Variants in TMC5 observed in about 807,000 individuals in gnomAD.
TMC5 encodes the protein transmembrane channel like 5.
A neutral mutation model predicts 110.5 loss-of-function variants in TMC5; 86 were observed. The observed-to-expected ratio is 0.78, with a 90% CI of 0.65 to 0.93. TMC5 has a LOEUF of 0.93. TMC5 is among the 40% of genes least tolerant of loss of function. TMC5 has a pLI of 0.00. For missense variants in TMC5, 1,144 were observed against 1,222.8 expected, an observed-to-expected ratio of 0.94 and a Z score of 0.96; for synonymous variants, 455 against 439.5, an observed-to-expected ratio of 1.04 and a Z score of -0.44.
At chr16:19,468,607 C>G (rs1968246609) in intron 9 of TMC5, among the ~76,000 whole-genome samples, 1 of 152,028 alleles carries the variant, frequency 6.6e-6, no homozygotes, top group Admixed American at 6.6e-5. Flanking sequence ...TCCCAGTGGG[C>G]CCAATGGAAT....
At chr16:19,412,077 A>AT (rs368948373) in intron 1 of TMC5, among the ~76,000 whole-genome samples, 15,547 of 146,612 alleles carry the variant, frequency 0.11, 823 homozygotes, top group South Asian at 0.16. Context: ...TTTTTGTGGG[A>AT]TTTTTTTTTT....
chr16:19,436,937 G>C (rs1284785540), intron 2 of TMC5, among the ~76,000 whole-genome samples: 1 of 152,114 alleles, frequency 6.6e-6, no homozygotes, highest in Non-Finnish European at 1.5e-5. Flanking sequence ...CTAGCACTTT[G>C]GGAGGCCGAG....
intron 9 of TMC5, among the ~76,000 whole-genome samples, chr16:19,468,963 G>T (rs11643708): frequency 0.02 from 3,015 of 152,268 alleles, 47 homozygotes; most frequent in Admixed American, 0.03. Context: ...CTGCACTCTA[G>T]CCTGGGCCAC....
chr16:19,439,438 C>A (rs1276722897), intron 2 of TMC5, among the ~76,000 whole-genome samples: 1 of 152,192 alleles, frequency 6.6e-6, no homozygotes, highest in East Asian at 1.9e-4. Context: ...GGTCCCCTCC[C>A]CCATAACCAA....
chr16:19,463,490 G>A lies in TMC5; in HGVS notation c.1236+123G>A, dbSNP rs111558357. The A allele has an allele frequency of 4.9e-4, 450 of 917,058 alleles. 1 individual carries two copies. The African/African-American group carries it at 6.7e-3, about 14-fold the overall frequency. The allele number at this position is 917,058 out of a possible 1,614,324, so 56.8% of individuals were successfully genotyped here. ...AGCAATTTCATTGCCCAGAGCCAAC[G>A]GTTAGTACAGGTGTGGAAAAGCGAG... On this transcript the variant is annotated intron_variant, in intron 7 of 21. Transcript: ENST00000542583.
intron 1 of TMC5, among the ~76,000 whole-genome samples, chr16:19,428,343 C>G (rs1190742302): frequency 1.4e-5 from 2 of 140,956 alleles, no homozygotes; most frequent in African/African-American, 5.4e-5. Flanking sequence ...GCATCTTGCT[C>G]TGTTGCCCAG....
chr16:19,414,976 G>C (rs1966869646), upstream of TMC5, among the ~76,000 whole-genome samples: 1 of 152,138 alleles, frequency 6.6e-6, no homozygotes, highest in Non-Finnish European at 1.5e-5. Context: ...TTTGAGCCCA[G>C]CCTGGGTGAC....
intron 14 of TMC5, among the ~76,000 whole-genome samples, chr16:19,479,932 C>CA (rs34291127): frequency 0.024 from 2,338 of 95,550 alleles, 56 homozygotes; most frequent in African/African-American, 0.062. Context: ...TGTCTCTATC[C>CA]AAAAAAAAAA....
At chr16:19,480,213 T>C (rs968146278) in intron 14 of TMC5, among the ~76,000 whole-genome samples, 20 of 152,018 alleles carry the variant, frequency 1.3e-4, no homozygotes, top group Non-Finnish European at 2.4e-4. Flanking sequence ...TATCTCATTG[T>C]TTTAATTGAA....
chr16:19,435,604 C>CAT lies in TMC5; in HGVS notation c.-79-4355_-79-4354dup, dbSNP rs1555480273. Among the ~76,000 whole-genome samples the CAT allele has an allele frequency of 3.4e-3, 510 of 152,114 alleles. 3 individuals carry two copies. Among genetic ancestry groups the CAT allele is most frequent in the African/African-American group, 6.1e-3 (253 of 41,508 alleles). ...TTACATACACACACACACACACACA[C>CAT]ATGCCTCCCTTTAACCACCGCTCAA... is the stretch of plus-strand genomic sequence containing the variant. On this transcript the variant is annotated intron_variant, in intron 2 of 21. Transcript: ENST00000542583.
chr16:19,454,298 G>A (rs1425084849), intron 5 of TMC5, among the ~76,000 whole-genome samples: 1 of 152,042 alleles, frequency 6.6e-6, no homozygotes, highest in African/African-American at 2.4e-5. Context: ...CACCCACCTT[G>A]GCCTCCCAAA....
At chr16:19,496,157 C>CA (rs34143697) in intron 20 of TMC5, among the ~76,000 whole-genome samples, 8,928 of 136,128 alleles carry the variant, frequency 0.066, 346 homozygotes, top group African/African-American at 0.086. Flanking sequence ...GACTCCGTGT[C>CA]AAAAAAAAAA....
chr16:19,459,026 G>A (rs1967955171), intron 5 of TMC5, among the ~76,000 whole-genome samples: 1 of 150,798 alleles, frequency 6.6e-6, no homozygotes, highest in Non-Finnish European at 1.5e-5. Context: ...AGAGACATCT[G>A]TCTTTTTCTT....
intron 15 of TMC5, among the ~76,000 whole-genome samples, chr16:19,485,476 T>C (rs978109140): frequency 3.3e-5 from 5 of 152,150 alleles, no homozygotes; most frequent in Non-Finnish European, 7.4e-5. Context: ...TTTGTATTTT[T>C]AGTAGAGATG....
Position 19,444,151 on chromosome 16 carries a change from T to TG in TMC5, c.863dup (p.Glu289ArgfsTer3), listed in dbSNP as rs770349191. On this transcript the variant is annotated frameshift_variant, in exon 4 of 22. Coordinates refer to ENST00000542583, the MANE Select transcript of TMC5 (RefSeq NM_001261841.2). LOFTEE classifies it high-confidence loss of function. ...GAGTGATGACCCCGTGGGCAGTCTT[T>TG]GGGGAGAGAATGATTACCCTGAAGG... is the stretch of plus-strand genomic sequence containing the variant. 3.1e-6 allele frequency: 5 copies of TG among 1,614,082 alleles called. No individual in the cohort carries two copies. The highest frequency in any genetic ancestry group is 2.2e-5 in the East Asian group (1 of 44,866).
chr16:19,442,239 C>T (rs1967505751), intron 3 of TMC5, among the ~76,000 whole-genome samples: 1 of 152,104 alleles, frequency 6.6e-6, no homozygotes, highest in Non-Finnish European at 1.5e-5. Flanking sequence ...TGGACACCGA[C>T]AGCATTAGTC....
Position 19,455,001 on chromosome 16 carries a change from G to C in TMC5, c.1049-5234G>C, listed in dbSNP as rs1967832078. Among the ~76,000 whole-genome samples the C allele has an allele frequency of 3.3e-5, 5 of 152,102 alleles. No individual in the cohort carries two copies. The South Asian group carries it at 1.0e-3, about 32-fold the overall frequency. ...AAAAAAAAACAAATAGCTGGGCATGGTGGTGCCCCTGTGGTCCCAGATACT... is the reference window on the plus strand; with the variant it reads ...AAAAAAAAACAAATAGCTGGGCATGCTGGTGCCCCTGTGGTCCCAGATACT... On this transcript the variant is annotated intron_variant, in intron 5 of 21. Coordinates refer to ENST00000542583, the MANE Select transcript of TMC5 (RefSeq NM_001261841.2).
At chr16:19,446,590 C>T (rs1044325805) in intron 4 of TMC5, among the ~76,000 whole-genome samples, 5 of 152,224 alleles carry the variant, frequency 3.3e-5, no homozygotes, top group African/African-American at 1.2e-4. Context: ...CCTGTTTTAA[C>T]AGATGGGAAA....
In TMC5 at chr16:19,428,206, C is replaced by T. The variant is rs367647218; in HGVS notation, c.-307-2207C>T. ...TGTAAAATAAAATAATCTTCTCATTCTAGCTTTTTTAAAAACAAATTTTAC... is the reference window on the plus strand; with the variant it reads ...TGTAAAATAAAATAATCTTCTCATTTTAGCTTTTTTAAAAACAAATTTTAC... On this transcript the variant is annotated intron_variant, in intron 1 of 21. Transcript: ENST00000542583. Among the ~76,000 whole-genome samples the T allele has an allele frequency of 1.7e-4, 26 of 152,022 alleles. No homozygotes were observed. The East Asian group carries it at 3.9e-3, about 23-fold the overall frequency.
Sources: allele counts gnomAD v4.1 joint callset (sites outside exome capture counted in the v4.1 genomes callset), GRCh38; gene constraint gnomAD v4.1.1; transcripts MANE v1.5; gene names NCBI Gene and HGNC (gene_info 2026-07-23, HGNC 2026-07-21).